FOXP1: variants seen among roughly 807,000 people sequenced by gnomAD.
The protein encoded by FOXP1 is forkhead box protein P1.
In FOXP1, 15 loss-of-function variants were observed where a neutral mutation model predicts 98.2. The observed-to-expected ratio is 0.15, with a 90% CI of 0.10 to 0.24. FOXP1 has a LOEUF of 0.24. FOXP1 is among the 10% of genes least tolerant of loss of function. The pLI, the probability that FOXP1 is intolerant of heterozygous loss-of-function variation, is 1.00. For synonymous variants in FOXP1, 371 were observed against 314.5 expected (o/e 1.18, Z -1.90); for missense variants, 633 against 848.5 (o/e 0.75, Z 3.15).
At chr3:71,076,364 A>G (rs1364965012) in intron 7 of FOXP1, among the ~76,000 whole-genome samples, 1 of 152,214 alleles carries the variant, frequency 6.6e-6, no homozygotes, top group African/African-American at 2.4e-5. Context: ...CTGAATTAAC[A>G]AATACGTACA....
chr3:71,401,560 T>G (rs1357186800), intron 3 of FOXP1, among the ~76,000 whole-genome samples: 1 of 152,228 alleles, frequency 6.6e-6, no homozygotes, highest in African/African-American at 2.4e-5. Context: ...TTCCTTGTTT[T>G]TAATGCTATT....
chr3:71,579,032 CAT>C (rs1461006754), intron 2 of FOXP1, among the ~76,000 whole-genome samples: 2 of 152,128 alleles, frequency 1.3e-5, no homozygotes, highest in Non-Finnish European at 2.9e-5. Context: ...GACTTTGAAA[CAT>C]GTTGTGCACC....
At chr3:71,434,285 A>G (rs1325304929) in intron 3 of FOXP1, among the ~76,000 whole-genome samples, 1 of 150,334 alleles carries the variant, frequency 6.7e-6, no homozygotes, top group Non-Finnish European at 1.5e-5. Flanking sequence ...CCCCCCGAAG[A>G]CTTGTTCCCC....
intron 4 of FOXP1, among the ~76,000 whole-genome samples, chr3:71,331,326 G>A (rs990839476): frequency 1.1e-4 from 17 of 152,132 alleles, no homozygotes; most frequent in East Asian, 3.9e-4. Flanking sequence ...GCCTCCCCGC[G>A]GGGCAGGGCT....
intron 13 of FOXP1, among the ~76,000 whole-genome samples, chr3:70,992,347 GGCA>G (rs1453866892): frequency 6.6e-6 from 1 of 151,794 alleles, no homozygotes; most frequent in Non-Finnish European, 1.5e-5. Context: ...CAGTTACTTA[GGCA>G]GGGTATATCC....
intron 5 of FOXP1, among the ~76,000 whole-genome samples, chr3:71,293,856 A>T (rs1296961917): frequency 6.6e-6 from 1 of 152,186 alleles, no homozygotes; most frequent in African/African-American, 2.4e-5. Context: ...CACACAGCAT[A>T]AAAAACAGTA....
At chr3:71,112,442 A>C in intron 7 of FOXP1, 94 bp downstream of exon 7, 1 of 1,007,916 alleles carries the variant, frequency 9.9e-7, no homozygotes, top group Non-Finnish European at 1.6e-6. Context: ...ATTTTCTTAC[A>C]TGATTTGCAA....
At chr3:71,337,993 T>C (rs914682228) in intron 4 of FOXP1, among the ~76,000 whole-genome samples, 2 of 152,238 alleles carry the variant, frequency 1.3e-5, no homozygotes, top group African/African-American at 4.8e-5. Context: ...ACAGTCATCA[T>C]ACCTCTGTAC....
chr3:71,236,209 TA>T (rs1314473021), intron 5 of FOXP1, among the ~76,000 whole-genome samples: 4 of 152,204 alleles, frequency 2.6e-5, no homozygotes, highest in Non-Finnish European at 5.9e-5. Flanking sequence ...CCAAGTTCTC[TA>T]AAATAGTGGG....
chr3:71,112,946 G>C (rs569715254), intron 6 of FOXP1, among the ~76,000 whole-genome samples: 18 of 152,242 alleles, frequency 1.2e-4, no homozygotes, highest in African/African-American at 4.3e-4. Context: ...AAAGATGACA[G>C]AGAGACCAGG....
intron 3 of FOXP1, among the ~76,000 whole-genome samples, chr3:71,397,034 G>A (rs368074523): frequency 0.015 from 1,070 of 71,286 alleles, 301 homozygotes; most frequent in Non-Finnish European, 0.024. Flanking sequence ...ACATATATAT[G>A]TGTATATATA....
intron 7 of FOXP1, among the ~76,000 whole-genome samples, chr3:71,063,933 C>G (rs1330514156): frequency 6.6e-6 from 1 of 152,192 alleles, no homozygotes; most frequent in Non-Finnish European, 1.5e-5. Flanking sequence ...CAACACCGTA[C>G]TTGGGGAGGA....
intron 3 of FOXP1, among the ~76,000 whole-genome samples, chr3:71,459,340 A>G (rs1468210431): frequency 3.3e-5 from 5 of 152,250 alleles, no homozygotes. Context: ...ACAGATGTAT[A>G]AACAAAGCAA....
chr3:71,288,905 C>T (rs2072455524), intron 5 of FOXP1, among the ~76,000 whole-genome samples: 2 of 152,180 alleles, frequency 1.3e-5, no homozygotes, highest in African/African-American at 4.8e-5. Flanking sequence ...TCAAACACAA[C>T]TAACTCTTAC....
At chr3:71,576,587 A>T (rs2047736288) in intron 2 of FOXP1, among the ~76,000 whole-genome samples, 1 of 152,222 alleles carries the variant, frequency 6.6e-6, no homozygotes, top group East Asian at 1.9e-4. Flanking sequence ...AATTTTGTTT[A>T]CGATTTAGTT....
In FOXP1 at chr3:71,121,194, G is replaced by A. The variant is rs112843466; in HGVS notation, c.181-8557C>T. On this transcript the variant is annotated intron_variant, in intron 6 of 20. Transcript: ENST00000649528. The stretch of plus-strand genomic sequence containing the variant: ...GGAGACATGGACAGAGAGAGATGCC[G>A]AAGGCTCTAGATAGGAGGTGGCATT... 4.5e-3 allele frequency among the ~76,000 whole-genome samples: 686 copies of A among 152,042 alleles called. 2 individuals are homozygous for A. Among genetic ancestry groups the A allele is most frequent in the Non-Finnish European group, 7.1e-3 (480 of 67,980 alleles).
At chr3:71,118,948 G>T (rs1365189961) in intron 6 of FOXP1, among the ~76,000 whole-genome samples, 1 of 152,042 alleles carries the variant, frequency 6.6e-6, no homozygotes, top group Non-Finnish European at 1.5e-5. Flanking sequence ...TTTCTTATCT[G>T]GCTCTTTACT....
At chr3:71,304,846 C>T (rs769474763) in intron 4 of FOXP1, 1 of 152,034 alleles carries the variant, frequency 6.6e-6, no homozygotes, top group Non-Finnish European at 1.5e-5. Flanking sequence ...TTCCAACCGG[C>T]GGGGGAACAG....
chr3:71,552,898 TTCAA>T (rs1460446258), intron 2 of FOXP1, among the ~76,000 whole-genome samples: 3 of 152,104 alleles, frequency 2.0e-5, no homozygotes, highest in African/African-American at 7.2e-5. Flanking sequence ...ACACCTGTAC[TTCAA>T]TCAGTTTCTT....
Sources: allele counts gnomAD v4.1 joint callset (sites outside exome capture counted in the v4.1 genomes callset), GRCh38; gene constraint gnomAD v4.1.1; transcripts MANE v1.5; gene names NCBI Gene and HGNC (gene_info 2026-07-23, HGNC 2026-07-21).